CSRNP3: variants seen among roughly 807,000 people sequenced by gnomAD.
CSRNP3 encodes the protein cysteine and serine rich nuclear protein 3, also known as cysteine/serine-rich nuclear protein 3.
CSRNP3 carries 12 observed loss-of-function variants against 48.0 expected under a neutral mutation model. The observed-to-expected ratio is 0.25, with a 90% CI of 0.16 to 0.41. The LOEUF (loss-of-function observed/expected upper bound fraction) is 0.41, where lower values mean the gene tolerates loss of function less well. Ranked by LOEUF, CSRNP3 falls within the 10% of genes least tolerant of loss-of-function variation. The probability of loss-of-function intolerance (pLI) is 1.00; values close to 1 mark genes in which losing one functional copy is unlikely to be tolerated. For missense variants in CSRNP3, 580 were observed against 724.4 expected (o/e 0.80, Z 2.29); for synonymous variants, 263 against 269.7 (o/e 0.98, Z 0.24).
intron 4 of CSRNP3, among the ~76,000 whole-genome samples, chr2:165,599,964 G>C (rs1348131699): frequency 6.7e-6 from 1 of 150,236 alleles, no homozygotes; most frequent in South Asian, 2.1e-4. Context: ...TTAAGTTTTA[G>C]GGTACATGTG....
intron 1 of CSRNP3, among the ~76,000 whole-genome samples, chr2:165,471,820 TAGAGAG>T (rs969003357): frequency 6.7e-6 from 1 of 148,158 alleles, no homozygotes; most frequent in Non-Finnish European, 1.5e-5. Flanking sequence ...CAGGAAGAGA[TAGAGAG>T]AGAGAGAGAA....
At chr2:165,666,052 G>A (rs1321311424) in intron 5 of CSRNP3, among the ~76,000 whole-genome samples, 1 of 70,446 alleles carries the variant, frequency 1.4e-5, no homozygotes, top group East Asian at 3.9e-4. Context: ...AGGAAGGAAA[G>A]AGAGAGGAAG....
At chr2:165,584,882 G>A (rs1020613914) in intron 3 of CSRNP3, among the ~76,000 whole-genome samples, 1 of 152,130 alleles carries the variant, frequency 6.6e-6, no homozygotes, top group Admixed American at 6.6e-5. Flanking sequence ...ACTAAGGATA[G>A]ATGATGAGCT....
intron 3 of CSRNP3, among the ~76,000 whole-genome samples, chr2:165,525,476 T>TTTC (rs1219591567): frequency 6.6e-6 from 1 of 151,414 alleles, no homozygotes; most frequent in South Asian, 2.1e-4. Flanking sequence ...ATTTCTTTTT[T>TTTC]TTCTTCTTCT....
chr2:165,572,229 T>C (rs914725075), intron 3 of CSRNP3: 1 of 152,154 alleles, frequency 6.6e-6, no homozygotes, highest in African/African-American at 2.4e-5. Context: ...TTATCTGTTA[T>C]TCCTTCCTCC....
intron 3 of CSRNP3, among the ~76,000 whole-genome samples, chr2:165,519,840 A>G (rs1234474547): frequency 1.3e-5 from 2 of 152,170 alleles, no homozygotes; most frequent in Admixed American, 6.5e-5. Flanking sequence ...GAGAAAAGGG[A>G]AAAAAGAAAG....
chr2:165,596,810 A>T (rs983235449), intron 4 of CSRNP3, among the ~76,000 whole-genome samples: 2 of 152,218 alleles, frequency 1.3e-5, no homozygotes, highest in Non-Finnish European at 2.9e-5. Context: ...ACACATGAAA[A>T]AACGTTGTAA....
intron 1 of CSRNP3, among the ~76,000 whole-genome samples, chr2:165,478,942 T>C (rs1298205770): frequency 6.6e-6 from 1 of 152,232 alleles, no homozygotes; most frequent in African/African-American, 2.4e-5. Context: ...CTCAAGAACA[T>C]TATTATCATC....
chr2:165,643,704 T>A (rs1414751185), intron 4 of CSRNP3, among the ~76,000 whole-genome samples: 1 of 152,220 alleles, frequency 6.6e-6, no homozygotes, highest in Non-Finnish European at 1.5e-5. Flanking sequence ...GATTTCATAT[T>A]TTTATAAAAT....
At chr2:165,674,380 A>C (rs1558970648) in intron 5 of CSRNP3, among the ~76,000 whole-genome samples, 1 of 152,092 alleles carries the variant, frequency 6.6e-6, no homozygotes, top group Non-Finnish European at 1.5e-5. Flanking sequence ...ATTCCTTAGA[A>C]AATCAGATCT....
At chr2:165,483,883 A>G (rs1684079781) in intron 1 of CSRNP3, among the ~76,000 whole-genome samples, 1 of 152,202 alleles carries the variant, frequency 6.6e-6, no homozygotes, top group East Asian at 1.9e-4. Context: ...ATTTCAACAT[A>G]TGAATTTTAG....
chr2:165,587,132 G>T (rs1685645840), intron 3 of CSRNP3, among the ~76,000 whole-genome samples: 1 of 152,094 alleles, frequency 6.6e-6, no homozygotes. Context: ...TCTGAGCAAT[G>T]GTCATATCTA....
At chr2:165,529,067 G>A (rs922512026) in intron 3 of CSRNP3, among the ~76,000 whole-genome samples, 2 of 152,190 alleles carry the variant, frequency 1.3e-5, no homozygotes, top group African/African-American at 4.8e-5. Context: ...GGCCCAGGAA[G>A]GCCCCCCTGC....
At chr2:165,632,894 G>T (rs1417027463) in intron 4 of CSRNP3, among the ~76,000 whole-genome samples, 1 of 152,148 alleles carries the variant, frequency 6.6e-6, no homozygotes, top group Non-Finnish European at 1.5e-5. Context: ...CATTTCTAAG[G>T]CTATTCCAGA....
chr2:165,572,803 A>G (rs1685392784), intron 3 of CSRNP3, among the ~76,000 whole-genome samples: 1 of 152,220 alleles, frequency 6.6e-6, no homozygotes, highest in African/African-American at 2.4e-5. Context: ...CTGAAAAGTT[A>G]TTTAGTCTAT....
intron 4 of CSRNP3, among the ~76,000 whole-genome samples, chr2:165,648,081 C>T (rs1686843906): frequency 6.6e-6 from 1 of 152,020 alleles, no homozygotes; most frequent in African/African-American, 2.4e-5. Flanking sequence ...ATTGTGTTTC[C>T]AATATTTTGC....
chr2:165,577,856 A>G (rs114434774), intron 3 of CSRNP3, among the ~76,000 whole-genome samples: 2,139 of 152,020 alleles, frequency 0.014, 65 homozygotes, highest in African/African-American at 0.048. Context: ...AAAGAGAGAA[A>G]CCTTTCTCCA....
chr2:165,520,266 A>C (rs1684633965), intron 3 of CSRNP3, among the ~76,000 whole-genome samples: 1 of 152,038 alleles, frequency 6.6e-6, no homozygotes, highest in Admixed American at 6.6e-5. Flanking sequence ...ATTTTCATTC[A>C]ATGTTTGGTT....
intron 3 of CSRNP3, among the ~76,000 whole-genome samples, chr2:165,557,653 C>G (rs567203493): frequency 4.3e-4 from 65 of 152,300 alleles, no homozygotes; most frequent in South Asian, 2.9e-3. Flanking sequence ...AATGTTTTGG[C>G]TGCCGTTGAT....
Sources: gnomAD v4.1 joint callset for allele counts (sites outside exome capture counted in the v4.1 genomes callset) on GRCh38, gnomAD v4.1.1 for gene constraint, MANE v1.5 for transcripts, NCBI Gene and HGNC (gene_info 2026-07-23, HGNC 2026-07-21) for gene names.